PLCE1: variants seen among roughly 807,000 people sequenced by gnomAD.
PLCE1 encodes 1-phosphatidylinositol 4,5-bisphosphate phosphodiesterase epsilon-1.
In PLCE1, 119 loss-of-function variants were observed where a neutral mutation model predicts 242.8. That is an observed-to-expected ratio of 0.49 (90% CI 0.42 to 0.57). The LOEUF (loss-of-function observed/expected upper bound fraction) is 0.57, where lower values mean the gene tolerates loss of function less well. Among genes scored for constraint, PLCE1 ranks in the 20% least tolerant of loss-of-function variants. PLCE1 has a pLI of 0.00. For synonymous variants in PLCE1, 945 were observed against 1,017.4 expected (o/e 0.93, Z 1.35); for missense variants, 2,441 against 2,788.8 (o/e 0.88, Z 2.81).
intron 4 of PLCE1, among the ~76,000 whole-genome samples, chr10:94,186,905 C>G (rs1278367820): frequency 6.6e-6 from 1 of 152,210 alleles, no homozygotes; most frequent in Non-Finnish European, 1.5e-5. Flanking sequence ...GCTGTGAATC[C>G]TGTGCCTTGC....
At chr10:94,141,623 GCA>G (rs1234495518) in intron 3 of PLCE1, among the ~76,000 whole-genome samples, 10,213 of 14,440 alleles carry the variant, frequency 0.71, 3,397 homozygotes, top group African/African-American at 0.76. Flanking sequence ...AGAAAGGAAG[GCA>G]GAAGGAGGAA....
chr10:94,001,680 C>T (rs1365925762), intron 1 of PLCE1, among the ~76,000 whole-genome samples: 1 of 152,160 alleles, frequency 6.6e-6, no homozygotes, highest in East Asian at 1.9e-4. Flanking sequence ...ATTTGGATAT[C>T]ACAGGAGTTG....
chr10:94,077,129 T>G (rs1262162609), intron 2 of PLCE1, among the ~76,000 whole-genome samples: 1 of 152,246 alleles, frequency 6.6e-6, no homozygotes, highest in Admixed American at 6.5e-5. Flanking sequence ...CTTTGTGCAC[T>G]TATGAGTGTA....
Position 94,308,384 on chromosome 10 carries a change from G to A in PLCE1, c.5885-197G>A, listed in dbSNP as rs114519380. On this transcript the variant is annotated intron_variant, in intron 26 of 32. Transcript: ENST00000371380. ...TCTGTTTGAGTCTAAGTTGGAAACA[G>A]TACTTGGACAAATTAATTGCCATTG... is the stretch of plus-strand genomic sequence containing the variant. 7.0e-3 allele frequency among the ~76,000 whole-genome samples: 1,069 copies of A among 152,330 alleles called. 10 individuals are homozygous for A. The highest frequency in any genetic ancestry group is 0.024 in the African/African-American group (1,009 of 41,568).
At chr10:94,199,626 C>T (rs1056773792) in intron 4 of PLCE1, among the ~76,000 whole-genome samples, 4 of 152,154 alleles carry the variant, frequency 2.6e-5, no homozygotes, top group Non-Finnish European at 5.9e-5. Flanking sequence ...AAGTCTTAGA[C>T]GGCAAAAAGG....
At chr10:94,286,069 C>G (rs1377259919) in intron 22 of PLCE1, among the ~76,000 whole-genome samples, 1 of 152,164 alleles carries the variant, frequency 6.6e-6, no homozygotes, top group East Asian at 1.9e-4. Context: ...AAGAAAGTCC[C>G]TAAGTACATG....
chr10:94,117,160 G>T (rs1347749110), intron 2 of PLCE1, among the ~76,000 whole-genome samples: 2 of 152,174 alleles, frequency 1.3e-5, no homozygotes, highest in Non-Finnish European at 2.9e-5. Context: ...GCTCAGCAAG[G>T]TTGGGACTCT....
intron 2 of PLCE1, among the ~76,000 whole-genome samples, chr10:94,064,566 T>C (rs1589946587): frequency 6.6e-6 from 1 of 152,168 alleles, no homozygotes; most frequent in African/African-American, 2.4e-5. Flanking sequence ...AGAAAGACCA[T>C]GAGCCTTACA....
chr10:94,070,826 C>T (rs1357108454), intron 2 of PLCE1, among the ~76,000 whole-genome samples: 1 of 152,186 alleles, frequency 6.6e-6, no homozygotes, highest in African/African-American at 2.4e-5. Flanking sequence ...CTTTTCCCTA[C>T]ATACAGGCTC....
At chr10:94,200,911 A>G (rs1442300297) in intron 4 of PLCE1, among the ~76,000 whole-genome samples, 1 of 152,202 alleles carries the variant, frequency 6.6e-6, no homozygotes, top group Non-Finnish European at 1.5e-5. Context: ...TGCAAAATAC[A>G]TGACCAGTAA....
intron 2 of PLCE1, among the ~76,000 whole-genome samples, chr10:94,046,659 G>C (rs1476965225): frequency 6.6e-6 from 1 of 152,172 alleles, no homozygotes; most frequent in African/African-American, 2.4e-5. Context: ...GAGCTGAACT[G>C]ATCAAATTAT....
intron 2 of PLCE1, among the ~76,000 whole-genome samples, chr10:94,056,008 T>G (rs548103361): frequency 4.5e-4 from 68 of 152,320 alleles, no homozygotes; most frequent in African/African-American, 1.2e-3. Flanking sequence ...TTGACTCCCT[T>G]CTGAGGTGCT....
chr10:94,253,817 T>C (rs992047960), intron 9 of PLCE1, among the ~76,000 whole-genome samples: 6 of 152,150 alleles, frequency 3.9e-5, no homozygotes, highest in Non-Finnish European at 8.8e-5. Context: ...CAACATGAGA[T>C]TTGAAGGGGA....
chr10:94,179,802 G>A (rs537158315), intron 4 of PLCE1, among the ~76,000 whole-genome samples: 19 of 151,542 alleles, frequency 1.3e-4, no homozygotes, highest in African/African-American at 2.7e-4. Context: ...CACCACACCC[G>A]GCCTAATCTC....
intron 3 of PLCE1, among the ~76,000 whole-genome samples, chr10:94,165,256 C>T (rs933662919): frequency 2.6e-5 from 4 of 152,232 alleles, no homozygotes; most frequent in African/African-American, 7.2e-5. Context: ...GGCAGGCCTC[C>T]TTGAGCTGCA....
At chr10:94,138,514 C>A in intron 3 of PLCE1, 1 of 470,648 alleles carries the variant, frequency 2.1e-6, no homozygotes, top group South Asian at 1.7e-5. Flanking sequence ...TGGAGATGTT[C>A]CAGCCTAGTG....
intron 1 of PLCE1, among the ~76,000 whole-genome samples, chr10:94,006,833 G>T (rs958053606): frequency 6.6e-6 from 1 of 152,178 alleles, no homozygotes; most frequent in Non-Finnish European, 1.5e-5. Flanking sequence ...GACTGTGGCA[G>T]GCTGGAATGT....
At chr10:94,304,672 A>C (rs1383876648) in intron 25 of PLCE1, 27 bp downstream of exon 25, 1 of 1,612,008 alleles carries the variant, frequency 6.2e-7, no homozygotes. Flanking sequence ...GAGAAAGAAC[A>C]TAAGGTCGGG....
In PLCE1 at chr10:94,260,849, AT is replaced by A. The variant is rs1435981037; in HGVS notation, c.3815-1641del. Among the ~76,000 whole-genome samples, 5 of 152,170 alleles carry A rather than the reference AT, an allele frequency of 3.3e-5. No individual in the cohort carries two copies. In the East Asian group the frequency reaches 9.7e-4, roughly 29 times the overall value. ...CAGCTTAGACTTTATTTTTAGAGCAATTTTAGGTTTATGGAAAAATGAGTGG... is the reference window on the plus strand; with the variant it reads ...CAGCTTAGACTTTATTTTTAGAGCAATTTAGGTTTATGGAAAAATGAGTGG... On this transcript the variant is annotated intron_variant, in intron 13 of 32. Transcript: ENST00000371380.
Sources: allele counts gnomAD v4.1 joint callset (sites outside exome capture counted in the v4.1 genomes callset), GRCh38; gene constraint gnomAD v4.1.1; transcripts MANE v1.5; gene names NCBI Gene and HGNC (gene_info 2026-07-23, HGNC 2026-07-21).